IL1RAPL1: variants seen among roughly 807,000 people sequenced by gnomAD.
IL1RAPL1 encodes the protein interleukin 1 receptor accessory protein like 1.
IL1RAPL1 carries 3 observed loss-of-function variants against 48.4 expected under a neutral mutation model. The ratio of observed to expected loss-of-function variants is 0.06; its 90% CI spans 0.03 to 0.16. The LOEUF (loss-of-function observed/expected upper bound fraction) is 0.16. IL1RAPL1 is among the 10% of genes least tolerant of loss of function. The pLI is 1.00. For synonymous variants in IL1RAPL1, 185 were observed against 187.7 expected, an observed-to-expected ratio of 0.99 and a Z score of 0.12; for missense variants, 349 against 530.6, an observed-to-expected ratio of 0.66 and a Z score of 3.36.
At chrX:29,616,887 T>C (rs1924305663) in intron 5 of IL1RAPL1, among the ~76,000 whole-genome samples, 1 of 111,782 alleles carries the variant, frequency 8.9e-6, no homozygotes, top group African/African-American at 3.3e-5. Flanking sequence ...TATATCTCTA[T>C]TATCAGTTTT....
intron 6 of IL1RAPL1, among the ~76,000 whole-genome samples, chrX:29,672,372 A>G (rs1245283785): frequency 1.8e-5 from 2 of 111,948 alleles, no homozygotes; most frequent in Non-Finnish European, 3.8e-5. Context: ...AAAATTAATA[A>G]AAGTATATCT....
At chrX:29,383,540 T>G (rs1047117522) in intron 3 of IL1RAPL1, among the ~76,000 whole-genome samples, 2 of 112,312 alleles carry the variant, frequency 1.8e-5, no homozygotes, top group African/African-American at 6.4e-5. Flanking sequence ...TGTCATATTC[T>G]GAGCATGTTT....
At chrX:29,743,289 A>G (rs184509890) in intron 6 of IL1RAPL1, among the ~76,000 whole-genome samples, 74 of 107,731 alleles carry the variant, frequency 6.9e-4, no homozygotes, top group African/African-American at 2.4e-3. Context: ...AAATTTATAT[A>G]TAAATCATAT....
intron 6 of IL1RAPL1, among the ~76,000 whole-genome samples, chrX:29,908,609 C>T (rs933693669): frequency 1.8e-5 from 2 of 110,632 alleles, no homozygotes; most frequent in Admixed American, 9.7e-5. Context: ...CTTATTTTTA[C>T]GTGATTATAT....
chrX:28,900,427 C>T (rs992903696), intron 2 of IL1RAPL1, among the ~76,000 whole-genome samples: 1 of 111,464 alleles, frequency 9.0e-6, no homozygotes, highest in Non-Finnish European at 1.9e-5. Context: ...GTTACTCTAA[C>T]TGAATAAAAA....
At chrX:29,084,055 G>A (rs900685561) in intron 2 of IL1RAPL1, among the ~76,000 whole-genome samples, 1 of 111,606 alleles carries the variant, frequency 9.0e-6, no homozygotes, top group African/African-American at 3.3e-5. Flanking sequence ...ATAATCCCTG[G>A]CTTAGCCTTT....
intron 5 of IL1RAPL1, among the ~76,000 whole-genome samples, chrX:29,548,738 C>T (rs1210156486): frequency 1.8e-5 from 2 of 111,320 alleles, no homozygotes; most frequent in African/African-American, 3.3e-5. Flanking sequence ...TATTTTAAAG[C>T]AAGTCAACAA....
At chrX:29,262,509 C>G (rs750119458) in intron 2 of IL1RAPL1, among the ~76,000 whole-genome samples, 1 of 110,116 alleles carries the variant, frequency 9.1e-6, no homozygotes, top group Non-Finnish European at 1.9e-5. Context: ...ACTAAAAATA[C>G]AAAATTAGCC....
At chrX:28,921,195 A>G (rs755501937) in intron 2 of IL1RAPL1, among the ~76,000 whole-genome samples, 6 of 111,524 alleles carry the variant, frequency 5.4e-5, no homozygotes, top group Admixed American at 1.9e-4. Flanking sequence ...GACAAATGGT[A>G]ATTATAAAGA....
intron 1 of IL1RAPL1, among the ~76,000 whole-genome samples, chrX:28,741,233 C>A (rs1171591505): frequency 9.0e-6 from 1 of 111,566 alleles, no homozygotes; most frequent in Non-Finnish European, 1.9e-5. Flanking sequence ...AATAGTCATT[C>A]TGATGGGTGT....
At chrX:29,479,559 G>GT (rs971247393) in intron 5 of IL1RAPL1, among the ~76,000 whole-genome samples, 8 of 108,788 alleles carry the variant, frequency 7.4e-5, no homozygotes, top group Middle Eastern at 4.6e-3. Flanking sequence ...AGAGGTACAG[G>GT]TTTTTTTTGG....
chrX:28,607,953 G>A (rs1031372339), intron 1 of IL1RAPL1, among the ~76,000 whole-genome samples: 3 of 111,349 alleles, frequency 2.7e-5, no homozygotes, highest in Middle Eastern at 9.3e-3. Flanking sequence ...GAGTTTGCAC[G>A]CAGAGGCTCT....
In IL1RAPL1 at chrX:29,648,876, C is replaced by T. The variant is rs780829528; in HGVS notation, c.704-19554C>T. Reference sequence around the variant, plus strand: ...GAAGACAAAATCAACAAACCTTTAACTAGATTAAGAAGAGAGAATATTCAA... The same window carrying T: ...GAAGACAAAATCAACAAACCTTTAATTAGATTAAGAAGAGAGAATATTCAA... On this transcript the variant is annotated intron_variant, in intron 5 of 10. Transcript: ENST00000378993. 1.2e-4 allele frequency among the ~76,000 whole-genome samples: 13 copies of T among 110,801 alleles called. No individual in the cohort carries two copies. The South Asian group carries it at 1.5e-3, about 13-fold the overall frequency.
chrX:29,711,408 C>A (rs1927351643), intron 6 of IL1RAPL1, among the ~76,000 whole-genome samples: 1 of 109,846 alleles, frequency 9.1e-6, no homozygotes, highest in African/African-American at 3.3e-5. Context: ...GTCTTGAACT[C>A]CCGACCTCAA....
intron 2 of IL1RAPL1, among the ~76,000 whole-genome samples, chrX:29,238,296 G>A (rs1931346819): frequency 8.9e-6 from 1 of 112,013 alleles, no homozygotes; most frequent in Non-Finnish European, 1.9e-5. Flanking sequence ...ACCTGGAATT[G>A]TTACACCATG....
intron 5 of IL1RAPL1, among the ~76,000 whole-genome samples, chrX:29,427,651 C>T (rs1164140269): frequency 9.0e-6 from 1 of 111,113 alleles, no homozygotes; most frequent in African/African-American, 3.3e-5. Context: ...GTTCAGGTGG[C>T]ATCAGTTTGT....
At chrX:29,939,105 G>A (rs1487208335) in intron 8 of IL1RAPL1, among the ~76,000 whole-genome samples, 1 of 111,604 alleles carries the variant, frequency 9.0e-6, no homozygotes, top group Non-Finnish European at 1.9e-5. Context: ...ACCTAGGAGT[G>A]GAACTGCTAT....
intron 6 of IL1RAPL1, among the ~76,000 whole-genome samples, chrX:29,781,915 C>A (rs1028276897): frequency 2.7e-5 from 3 of 111,367 alleles, no homozygotes; most frequent in Non-Finnish European, 3.8e-5. Context: ...TCTCCCAGGT[C>A]TTGGTAAACC....
At chrX:29,192,609 A>G (rs1930372924) in intron 2 of IL1RAPL1, among the ~76,000 whole-genome samples, 1 of 112,329 alleles carries the variant, frequency 8.9e-6, no homozygotes, top group Non-Finnish European at 1.9e-5. Flanking sequence ...GTTTTGGCTT[A>G]TAATAAGAAC....
Sources: allele counts gnomAD v4.1 joint callset (sites outside exome capture counted in the v4.1 genomes callset), GRCh38; gene constraint gnomAD v4.1.1; transcripts MANE v1.5; gene names NCBI Gene and HGNC (gene_info 2026-07-23, HGNC 2026-07-21).